The following UBE2R2 variants were observed in gnomAD, a reference collection of about 807,000 sequenced individuals.
UBE2R2 encodes the protein ubiquitin-conjugating enzyme E2 R2.
UBE2R2 carries 1 observed loss-of-function variant against 27.8 expected under a neutral mutation model. The observed-to-expected ratio is 0.04, with a 90% confidence interval of 0.01 to 0.17. The LOEUF (loss-of-function observed/expected upper bound fraction) is 0.17. Among genes scored for constraint, UBE2R2 ranks in the 10% least tolerant of loss-of-function variants. The pLI is 1.00. For synonymous variants in UBE2R2, 106 were observed against 113.3 expected (o/e 0.94, Z 0.41); for missense variants, 100 against 291.0 (o/e 0.34, Z 4.78).
chr9:33,887,979 A>G (rs888133668), intron 2 of UBE2R2, among the ~76,000 whole-genome samples: 8 of 152,172 alleles, frequency 5.3e-5, no homozygotes, highest in Admixed American at 5.2e-4. Context: ...CTGGCCTACT[A>G]TTCTAAAAGT....
intron 2 of UBE2R2, among the ~76,000 whole-genome samples, chr9:33,890,359 G>A (rs752582877): frequency 5.9e-5 from 9 of 152,070 alleles, no homozygotes; most frequent in Non-Finnish European, 1.2e-4. Flanking sequence ...CTGAGTTGAG[G>A]AGTTCAAGAC....
rs1822761291 is a variant in UBE2R2 at position 33,919,787 on chromosome 9, T to A, written c.*2550T>A. 6.6e-6 allele frequency: 1 copy of A among 152,050 alleles called. No homozygotes were observed. The highest frequency in any genetic ancestry group is 6.6e-5 in the Admixed American group (1 of 15,262). The allele number at this position is 152,050 out of a possible 1,614,324, so 9.4% of individuals were successfully genotyped here. ...TCAATCCGGAACCATGTACGTACAG[T>A]TTTGCTTATTATTTGATGTGACATG... On this transcript the variant is annotated 3_prime_UTR_variant, in exon 5 of 5. Coordinates refer to ENST00000263228, the MANE Select transcript of UBE2R2 (RefSeq NM_017811.4).
At chr9:33,839,486 C>A (rs1333427601) in intron 1 of UBE2R2, among the ~76,000 whole-genome samples, 1 of 152,158 alleles carries the variant, frequency 6.6e-6, no homozygotes, top group Non-Finnish European at 1.5e-5. Context: ...GATCCACCCG[C>A]CTCAGCCTTC....
chr9:33,908,952 C>T (rs1587483421), intron 3 of UBE2R2, among the ~76,000 whole-genome samples: 1 of 152,082 alleles, frequency 6.6e-6, no homozygotes, highest in East Asian at 1.9e-4. Context: ...GCTATGATCA[C>T]GCCTATAAAT....
chr9:33,832,918 T>A (rs181738675), intron 1 of UBE2R2, among the ~76,000 whole-genome samples: 486 of 152,206 alleles, frequency 3.2e-3, no homozygotes, highest in African/African-American at 0.011. Context: ...AGCAGGGCAG[T>A]TTTTATACCA....
chr9:33,861,847 CTTTTTTTT>C (rs775634986), intron 1 of UBE2R2, among the ~76,000 whole-genome samples: 4 of 95,456 alleles, frequency 4.2e-5, no homozygotes, highest in African/African-American at 7.7e-5. Flanking sequence ...GATCCACTTT[CTTTTTTTT>C]TTTTTTTTTT....
chr9:33,868,012 C>T (rs919822711), intron 1 of UBE2R2, among the ~76,000 whole-genome samples: 1 of 152,154 alleles, frequency 6.6e-6, no homozygotes, highest in African/African-American at 2.4e-5. Context: ...GAAGAATCAG[C>T]TCACACGAAC....
At chr9:33,872,640 G>GC (rs1364374542) in intron 1 of UBE2R2, among the ~76,000 whole-genome samples, 1 of 151,986 alleles carries the variant, frequency 6.6e-6, no homozygotes, top group East Asian at 1.9e-4. Flanking sequence ...TACAAGATTA[G>GC]CAGGGCATGG....
At chr9:33,846,502 TTCTC>T (rs372425893) in intron 1 of UBE2R2, among the ~76,000 whole-genome samples, 3 of 151,762 alleles carry the variant, frequency 2.0e-5, no homozygotes, top group Admixed American at 6.6e-5. Context: ...AAGTCCACTT[TTCTC>T]TCTCTCTCTC....
intron 3 of UBE2R2, among the ~76,000 whole-genome samples, chr9:33,911,168 G>A (rs961501505): frequency 2.6e-5 from 4 of 151,786 alleles, no homozygotes; most frequent in Non-Finnish European, 5.9e-5. Flanking sequence ...TAGCACTTTG[G>A]GAGGTTGAGG....
At chr9:33,838,683 T>G (rs1026172100) in intron 1 of UBE2R2, among the ~76,000 whole-genome samples, 2 of 152,164 alleles carry the variant, frequency 1.3e-5, no homozygotes, top group Non-Finnish European at 2.9e-5. Context: ...TCCCAGGAAA[T>G]GCAAGAACCG....
At chr9:33,819,605 AAAAT>A (rs1483487623) in intron 1 of UBE2R2, among the ~76,000 whole-genome samples, 1 of 152,168 alleles carries the variant, frequency 6.6e-6, no homozygotes, top group African/African-American at 2.4e-5. Context: ...GCATACTGGA[AAAAT>A]TAGTTGTACA....
intron 1 of UBE2R2, 82 bp from the exon 2 acceptor site, chr9:33,886,799 G>T (rs1821868624): frequency 4.4e-6 from 5 of 1,148,274 alleles, no homozygotes; most frequent in Non-Finnish European, 6.0e-6. Flanking sequence ...CTTTGTTTCT[G>T]TGGCGTGTAG....
At chr9:33,883,455 T>G (rs999558519) in intron 1 of UBE2R2, among the ~76,000 whole-genome samples, 7 of 152,018 alleles carry the variant, frequency 4.6e-5, no homozygotes, top group Admixed American at 3.9e-4. Context: ...GTGGCTCATG[T>G]CTGTAATCCC....
At chr9:33,865,308 G>A (rs554146378) in intron 1 of UBE2R2, among the ~76,000 whole-genome samples, 25 of 151,910 alleles carry the variant, frequency 1.6e-4, no homozygotes, top group Non-Finnish European at 2.4e-4. Context: ...TGGGTTCAGC[G>A]ATTCTCCTGC....
chr9:33,827,208 CAGCTACTT>C (rs1460420761), intron 1 of UBE2R2, among the ~76,000 whole-genome samples: 14 of 152,122 alleles, frequency 9.2e-5, no homozygotes, highest in African/African-American at 2.7e-4. Flanking sequence ...TCTTTGGTCC[CAGCTACTT>C]AGAAGGTTGA....
chr9:33,850,966 C>G (rs1386174870), intron 1 of UBE2R2, among the ~76,000 whole-genome samples: 1 of 152,204 alleles, frequency 6.6e-6, no homozygotes, highest in Non-Finnish European at 1.5e-5. Context: ...GGTTATTGTT[C>G]TAGAGTTCAG....
chr9:33,827,090 A>T (rs1338013615), intron 1 of UBE2R2, among the ~76,000 whole-genome samples: 1 of 151,700 alleles, frequency 6.6e-6, no homozygotes, highest in Non-Finnish European at 1.5e-5. Flanking sequence ...CGACAGTGAG[A>T]CTCTGCCTCA....
chr9:33,875,921 A>G (rs1821592891), intron 1 of UBE2R2, among the ~76,000 whole-genome samples: 1 of 152,256 alleles, frequency 6.6e-6, no homozygotes, highest in South Asian at 2.1e-4. Flanking sequence ...TCATATGTTA[A>G]TAGCAAGTTA....
Sources: allele counts gnomAD v4.1 joint callset (sites outside exome capture counted in the v4.1 genomes callset), GRCh38; gene constraint gnomAD v4.1.1; transcripts MANE v1.5; gene names NCBI Gene and HGNC (gene_info 2026-07-23, HGNC 2026-07-21).